Variants in TOP6BL observed in about 807,000 individuals in gnomAD.
TOP6BL encodes TOP6B like initiator of meiotic double strand breaks, also known as type 2 DNA topoisomerase 6 subunit B-like.
At chr11:66,818,722 T>G in the TOP6BL span, among the ~76,000 whole-genome samples, 1 of 152,168 alleles carries the variant, frequency 6.6e-6, no homozygotes, top group Non-Finnish European at 1.5e-5. Context: ...TCTTAAGACT[T>G]AAGATCTGCT....
chr11:66,747,394 A>AT, the TOP6BL span, among the ~76,000 whole-genome samples: 1,952 of 141,720 alleles, frequency 0.014, 18 homozygotes, highest in Non-Finnish European at 0.016. Flanking sequence ...TTTTTATTTA[A>AT]TTTTTTTTTT....
the TOP6BL span, among the ~76,000 whole-genome samples, chr11:66,787,829 T>G: frequency 6.6e-6 from 1 of 152,168 alleles, no homozygotes; most frequent in Non-Finnish European, 1.5e-5. Flanking sequence ...TGAGTTGATT[T>G]ATTAAAAAAT....
chr11:66,762,095 C>T, the TOP6BL span: 6 of 1,134,156 alleles, frequency 5.3e-6, no homozygotes, highest in African/African-American at 1.5e-5. Flanking sequence ...CTCCCAAACT[C>T]CAGACATCTT....
chr11:66,815,925 A>T, the TOP6BL span: 1 of 879,986 alleles, frequency 1.1e-6, no homozygotes, highest in Non-Finnish European at 1.7e-6. Context: ...TCAGGAGGGT[A>T]AATGGGTGTT....
At chr11:66,793,522 T>G in the TOP6BL span, among the ~76,000 whole-genome samples, 6 of 147,310 alleles carry the variant, frequency 4.1e-5, no homozygotes, top group African/African-American at 1.5e-4. Flanking sequence ...CTTGGCTCAC[T>G]GCAACCTCCG....
the TOP6BL span, among the ~76,000 whole-genome samples, chr11:66,780,233 C>T: frequency 1.3e-5 from 2 of 151,812 alleles, no homozygotes; most frequent in Non-Finnish European, 2.9e-5. Flanking sequence ...TTTTTAAATA[C>T]TCAAATACTT....
chr11:66,762,866 A>G, the TOP6BL span, among the ~76,000 whole-genome samples: 1 of 152,204 alleles, frequency 6.6e-6, no homozygotes, highest in Non-Finnish European at 1.5e-5. Flanking sequence ...TATAGGAAAC[A>G]ATTCTACCTT....
chr11:66,780,660 A>G, the TOP6BL span, among the ~76,000 whole-genome samples: 1 of 152,044 alleles, frequency 6.6e-6, no homozygotes, highest in Admixed American at 6.6e-5. Context: ...GCTCACTGCA[A>G]CCTCTGCCTC....
chr11:66,803,481 T>A, the TOP6BL span, among the ~76,000 whole-genome samples: 1 of 152,154 alleles, frequency 6.6e-6, no homozygotes, highest in Non-Finnish European at 1.5e-5. Context: ...CAGGCTGGAG[T>A]GCAGTGGCGC....
chr11:66,807,230 T>G, the TOP6BL span, among the ~76,000 whole-genome samples: 1 of 152,212 alleles, frequency 6.6e-6, no homozygotes, highest in Non-Finnish European at 1.5e-5. Context: ...CTTGATAATT[T>G]AGACCAACCT....
At chr11:66,771,210 AGCTGGTCTTGAACTCTTAG>A in the TOP6BL span, 1 of 151,088 alleles carries the variant, frequency 6.6e-6, no homozygotes, top group Non-Finnish European at 1.5e-5. Flanking sequence ...ATGTTGCCCA[AGCTGGTCTTGAACTCTTAG>A]GCTCAAGCAA....
the TOP6BL span, among the ~76,000 whole-genome samples, chr11:66,776,633 A>C: frequency 3.9e-5 from 6 of 152,072 alleles, no homozygotes; most frequent in African/African-American, 1.2e-4. Flanking sequence ...TAGAAGAAAA[A>C]AAAGTCCATT....
At chr11:66,757,039 C>T in the TOP6BL span, among the ~76,000 whole-genome samples, 5 of 55,016 alleles carry the variant, frequency 9.1e-5, no homozygotes, top group Admixed American at 2.3e-4. Flanking sequence ...AGGGCGGAGG[C>T]GGCGGTGGGG....
chr11:66,749,806 A>T, the TOP6BL span, among the ~76,000 whole-genome samples: 1 of 152,116 alleles, frequency 6.6e-6, no homozygotes, highest in African/African-American at 2.4e-5. Context: ...TCCTGACCTC[A>T]AGTGATAGTG....
the TOP6BL span, among the ~76,000 whole-genome samples, chr11:66,782,746 G>A: frequency 1.3e-5 from 2 of 152,090 alleles, no homozygotes; most frequent in Non-Finnish European, 2.9e-5. Context: ...TGGTTTGAGG[G>A]CTCATTTGGT....
chr11:66,795,335 T>G, the TOP6BL span, among the ~76,000 whole-genome samples: 1 of 148,396 alleles, frequency 6.7e-6, no homozygotes, highest in Non-Finnish European at 1.5e-5. Flanking sequence ...AGAGTCTAGC[T>G]CTGTCACCCA....
At chr11:66,774,039 C>A in the TOP6BL span, among the ~76,000 whole-genome samples, 31 of 152,132 alleles carry the variant, frequency 2.0e-4, no homozygotes, top group Non-Finnish European at 4.3e-4. Context: ...TATATAATTT[C>A]TTTAATAGTG....
At chr11:66,780,031 G>T in the TOP6BL span, among the ~76,000 whole-genome samples, 1 of 126,512 alleles carries the variant, frequency 7.9e-6, no homozygotes, top group Non-Finnish European at 1.6e-5. Context: ...GAGGGGGAGG[G>T]ATAGCATTAG....
the TOP6BL span, chr11:66,828,143 C>CT: frequency 6.2e-6 from 4 of 645,160 alleles, no homozygotes; most frequent in Non-Finnish European, 1.1e-5. Flanking sequence ...TAAGAAAACT[C>CT]TTAACTTTAA....
Sources: gnomAD v4.1 joint callset for allele counts (sites outside exome capture counted in the v4.1 genomes callset) on GRCh38, gnomAD v4.1.1 for gene constraint, MANE v1.5 for transcripts, NCBI Gene and HGNC (gene_info 2026-07-23, HGNC 2026-07-21) for gene names.